PCDHGA3: variants seen among roughly 807,000 people sequenced by gnomAD.
PCDHGA3 encodes the protein protocadherin gamma subfamily A, 3, also known as protocadherin gamma-A3.
PCDHGA3 carries 40 observed loss-of-function variants against 58.5 expected under a neutral mutation model. The ratio of observed to expected loss-of-function variants is 0.68; its 90% CI spans 0.53 to 0.89. PCDHGA3 has a LOEUF of 0.89. Among genes scored for constraint, PCDHGA3 ranks in the 40% least tolerant of loss-of-function variants. PCDHGA3 has a pLI of 0.00. For missense variants in PCDHGA3, 1,223 were observed against 1,195.9 expected (o/e 1.02, Z -0.33); for synonymous variants, 530 against 525.7 (o/e 1.01, Z -0.11).
chr5:141,480,336 G>A (rs755963190), intron 1 of PCDHGA3, among the ~76,000 whole-genome samples: 1 of 151,988 alleles, frequency 6.6e-6, no homozygotes, highest in Non-Finnish European at 1.5e-5. Flanking sequence ...AATTGCTTGA[G>A]CCTGGGAGGT....
chr5:141,442,898 TCTC>T (rs1427810429), intron 1 of PCDHGA3, among the ~76,000 whole-genome samples: 14 of 152,222 alleles, frequency 9.2e-5, no homozygotes, highest in Admixed American at 9.2e-4. Context: ...GCTTATCACT[TCTC>T]CTTCAGCACA....
At chr5:141,440,399 A>T (rs1215824479) in intron 1 of PCDHGA3, 1 of 152,164 alleles carries the variant, frequency 6.6e-6, no homozygotes, top group Non-Finnish European at 1.5e-5. Context: ...CCGAGAGGCA[A>T]TCGCACCACT....
chr5:141,446,747 G>A (rs997132200), intron 1 of PCDHGA3, among the ~76,000 whole-genome samples: 10 of 152,190 alleles, frequency 6.6e-5, no homozygotes, highest in African/African-American at 1.4e-4. Context: ...GATTACAGGC[G>A]TGAGCCACCG....
At chr5:141,383,102 C>T (rs991434235) in intron 1 of PCDHGA3, 1 of 1,614,004 alleles carries the variant, frequency 6.2e-7, no homozygotes, top group Non-Finnish European at 8.5e-7. Context: ...CGCATCATCT[C>T]CAGAGGTAGG....
chr5:141,344,839 C>T lies in PCDHGA3; in HGVS notation c.806C>T (p.Pro269Leu), dbSNP rs970599931. The T allele has an allele frequency of 1.9e-6, 3 of 1,613,836 alleles. No homozygotes were observed. The Admixed American group carries it at 5.0e-5, about 27-fold the overall frequency. Residue 269 changes from proline to leucine, a missense_variant, in exon 1 of 4, where the codon CCT becomes CTT. By Grantham distance (98) the Pro-to-Leu change is moderately conservative. Transcript: ENST00000253812. Reference protein sequence around the residue: ...TRLLTVNATDPDEGFNAQVSY... With the variant: ...TRLLTVNATDLDEGFNAQVSY... ...CTGCTCACGGTGAATGCCACTGACC[C>T]TGACGAGGGATTCAATGCTCAAGTG...
intron 1 of PCDHGA3, chr5:141,352,771 C>A (rs1480666897): frequency 8.1e-7 from 1 of 1,227,378 alleles, no homozygotes; most frequent in Non-Finnish European, 1.1e-6. Flanking sequence ...AGGTGGATCA[C>A]TTGAGGTCAG....
In PCDHGA3 at chr5:141,486,001, C is replaced by T. The variant is rs771993915; in HGVS notation, c.2425-8806C>T. ...ACCCGGACCTGGGTCCCAGTGGTAA[C>T]GTCACCTTTTATTTCAGTGGTCATA... On this transcript the variant is annotated intron_variant, in intron 1 of 3. Coordinates refer to ENST00000253812, the MANE Select transcript of PCDHGA3 (RefSeq NM_018916.4). This position sits in a 1 kb window ranked among gnomAD's most constrained non-coding sequence, Gnocchi z 5.0. The T allele has an allele frequency of 2.5e-6, 4 of 1,614,076 alleles. No homozygotes were observed. The highest frequency in any genetic ancestry group is 8.5e-7 in the Non-Finnish European group (1 of 1,180,032).
At chr5:141,363,790 T>C (rs1763065871) in intron 1 of PCDHGA3, among the ~76,000 whole-genome samples, 1 of 152,218 alleles carries the variant, frequency 6.6e-6, no homozygotes, top group Non-Finnish European at 1.5e-5. Flanking sequence ...TTTATCCTAA[T>C]AAGGAGATGA....
rs1449911634 is a variant in PCDHGA3 at position 141,384,593 on chromosome 5, C to T, written c.2424+38136C>T. On this transcript the variant is annotated intron_variant, in intron 1 of 3. Transcript: ENST00000253812. ...GACAACCCGCCCGAGATCCTGTACC[C>T]GGCCCTCCCCACAGATGGTTCTACT... 3 of 1,614,252 alleles carry T rather than the reference C, an allele frequency of 1.9e-6. No individual in the cohort carries two copies. The highest frequency in any genetic ancestry group is 4.5e-5 in the East Asian group (2 of 44,888).
chr5:141,389,712 A>G, intron 1 of PCDHGA3: 1 of 1,612,620 alleles, frequency 6.2e-7, no homozygotes, highest in East Asian at 2.2e-5. Context: ...GCTGCAGGCT[A>G]GCGAGCCCGG....
At chr5:141,399,581 A>G (rs375436846) in intron 1 of PCDHGA3, 20 of 1,613,788 alleles carry the variant, frequency 1.2e-5, no homozygotes, top group Non-Finnish European at 1.4e-5. Context: ...CAAGTCTCCT[A>G]CTCTATCATG....
intron 1 of PCDHGA3, among the ~76,000 whole-genome samples, chr5:141,380,556 A>G (rs560395127): frequency 1.3e-5 from 2 of 152,362 alleles, no homozygotes; most frequent in South Asian, 2.1e-4. Flanking sequence ...CTTATGTTAG[A>G]TTTTATTAAA....
At chr5:141,375,665 C>T (rs114223268) in intron 1 of PCDHGA3, 22,660 of 1,614,242 alleles carry the variant, frequency 0.014, 234 homozygotes, top group Non-Finnish European at 0.016. Flanking sequence ...GTTGAGAGAC[C>T]TACAGCTGTG....
intron 1 of PCDHGA3, among the ~76,000 whole-genome samples, chr5:141,445,700 A>G (rs2098474731): frequency 6.6e-6 from 1 of 152,216 alleles, no homozygotes; most frequent in Non-Finnish European, 1.5e-5. Flanking sequence ...TAAAAAAGAA[A>G]TTGTCAGGCA....
At chr5:141,393,768 A>G in intron 1 of PCDHGA3, 1 of 1,613,968 alleles carries the variant, frequency 6.2e-7, no homozygotes, top group East Asian at 2.2e-5. Flanking sequence ...TGAAATGGAA[A>G]TACAAGCCGA....
At chr5:141,461,422 C>A (rs2099015157) in intron 1 of PCDHGA3, among the ~76,000 whole-genome samples, 1 of 151,930 alleles carries the variant, frequency 6.6e-6, no homozygotes, top group African/African-American at 2.4e-5. Flanking sequence ...TGTTTGTGGG[C>A]CATTTGTATA....
Position 141,490,749 on chromosome 5 carries a change from C to T in PCDHGA3, c.2425-4058C>T, listed in dbSNP as rs777124697. 3.1e-6 allele frequency: 5 copies of T among 1,614,098 alleles called. No individual in the cohort carries two copies. The South Asian group carries it at 5.5e-5, about 18-fold the overall frequency. ...GAAATCAGGTTCAGGGAGCCCCAGC[C>T]TCCTCCTTTGTGTATGTCAACCCAG... On this transcript the variant is annotated intron_variant, in intron 1 of 3. Coordinates refer to ENST00000253812, the MANE Select transcript of PCDHGA3 (RefSeq NM_018916.4). The surrounding 1 kb of genome is among the most constrained non-coding windows in gnomAD (Gnocchi z 5.4).
chr5:141,370,854 C>G, intron 1 of PCDHGA3: 1 of 1,614,054 alleles, frequency 6.2e-7, no homozygotes, highest in Non-Finnish European at 8.5e-7. Context: ...CACATTTGCC[C>G]TGGAATCTGC....
chr5:141,349,468 A>C (rs1457448443), intron 1 of PCDHGA3, among the ~76,000 whole-genome samples: 1 of 152,214 alleles, frequency 6.6e-6, no homozygotes, highest in Admixed American at 6.5e-5. Context: ...GTGTACCCCA[A>C]CACTAAATTG....
Sources: gnomAD v4.1 joint callset for allele counts (sites outside exome capture counted in the v4.1 genomes callset) on GRCh38, gnomAD v4.1.1 for gene constraint, Gnocchi (gnomAD v3.1) non-coding constraint, MANE v1.5 for transcripts, NCBI Gene and HGNC (gene_info 2026-07-23, HGNC 2026-07-21) for gene names.